The following VPS13B variants were observed in gnomAD, a reference collection of about 807,000 sequenced individuals.
The protein encoded by VPS13B is vacuolar protein sorting 13 homolog B, also known as intermembrane lipid transfer protein VPS13B.
In VPS13B, 285 loss-of-function variants were observed where a neutral mutation model predicts 426.4. The ratio of observed to expected loss-of-function variants is 0.67; its 90% CI spans 0.61 to 0.74. The LOEUF is 0.74. Ranked by LOEUF, VPS13B falls within the 30% of genes least tolerant of loss-of-function variation. The pLI, the probability that VPS13B is intolerant of heterozygous loss-of-function variation, is 0.00. For synonymous variants in VPS13B, 1,676 were observed against 1,676.4 expected, an observed-to-expected ratio of 1.00 and a Z score of 0.01; for missense variants, 4,537 against 4,782.6, an observed-to-expected ratio of 0.95 and a Z score of 1.51.
intron 8 of VPS13B, among the ~76,000 whole-genome samples, chr8:99,125,362 A>G (rs1472532381): frequency 2.0e-5 from 3 of 152,206 alleles, no homozygotes; most frequent in Non-Finnish European, 4.4e-5. Flanking sequence ...GTCCTTCCAC[A>G]TTCTTCTGCC....
At chr8:99,588,441 A>G (rs1181410710) in intron 33 of VPS13B, among the ~76,000 whole-genome samples, 1 of 151,592 alleles carries the variant, frequency 6.6e-6, no homozygotes, top group African/African-American at 2.4e-5. Flanking sequence ...TGATTCTTCT[A>G]TCCATGAGCA....
chr8:99,864,360 G>A (rs1306843247), intron 58 of VPS13B, among the ~76,000 whole-genome samples: 1 of 152,076 alleles, frequency 6.6e-6, no homozygotes, highest in East Asian at 1.9e-4. Context: ...ATCAGCTTGG[G>A]CAATGTGGCA....
intron 30 of VPS13B, among the ~76,000 whole-genome samples, chr8:99,542,230 A>C (rs544152891): frequency 6.6e-6 from 1 of 152,314 alleles, no homozygotes; most frequent in East Asian, 1.9e-4. Context: ...TATTATTGAC[A>C]TGGACATCAT....
chr8:99,344,253 A>C (rs528912676), intron 19 of VPS13B, among the ~76,000 whole-genome samples: 1 of 152,332 alleles, frequency 6.6e-6, no homozygotes, highest in East Asian at 1.9e-4. Context: ...GGCTGTGCAC[A>C]TGCACAAAAA....
At chr8:99,271,973 T>C (rs992680135) in intron 17 of VPS13B, among the ~76,000 whole-genome samples, 2 of 152,174 alleles carry the variant, frequency 1.3e-5, no homozygotes, top group African/African-American at 4.8e-5. Flanking sequence ...GATAACATTC[T>C]CTAACCATTT....
intron 31 of VPS13B, among the ~76,000 whole-genome samples, chr8:99,574,562 G>C (rs1400182173): frequency 2.0e-5 from 3 of 152,122 alleles, no homozygotes; most frequent in African/African-American, 7.2e-5. Context: ...AGATAATCAC[G>C]TGGTCTTTGT....
chr8:99,310,557 A>C (rs1820901116), intron 19 of VPS13B, among the ~76,000 whole-genome samples: 1 of 152,162 alleles, frequency 6.6e-6, no homozygotes, highest in African/African-American at 2.4e-5. Flanking sequence ...ATGGTGTATA[A>C]GCTTTTTGAT....
chr8:99,535,909 G>A (rs1823186708), intron 30 of VPS13B, among the ~76,000 whole-genome samples: 1 of 151,614 alleles, frequency 6.6e-6, no homozygotes, highest in Admixed American at 6.6e-5. Context: ...CTGAGCCAAT[G>A]TCAGATCATA....
intron 3 of VPS13B, among the ~76,000 whole-genome samples, chr8:99,039,751 G>T (rs1241981201): frequency 1.3e-5 from 2 of 152,028 alleles, no homozygotes; most frequent in Non-Finnish European, 2.9e-5. Flanking sequence ...TGGATGCTTT[G>T]AGTGCCATAT....
At chr8:99,422,027 TGTA>T (rs1816404007) in intron 21 of VPS13B, among the ~76,000 whole-genome samples, 1 of 152,124 alleles carries the variant, frequency 6.6e-6, no homozygotes, top group Non-Finnish European at 1.5e-5. Flanking sequence ...GTGCCTGGCT[TGTA>T]GTAGGTGCTA....
chr8:99,859,014 C>T (rs548493233), intron 56 of VPS13B, among the ~76,000 whole-genome samples: 13 of 152,268 alleles, frequency 8.5e-5, no homozygotes, highest in South Asian at 2.1e-4. Context: ...AGTGCATCCC[C>T]GCCACATGGA....
chr8:99,602,657 CT>C (rs1827367045), intron 33 of VPS13B, among the ~76,000 whole-genome samples: 1 of 152,172 alleles, frequency 6.6e-6, no homozygotes, highest in Non-Finnish European at 1.5e-5. Flanking sequence ...CCAAAATCTC[CT>C]TAAGCTGATA....
intron 36 of VPS13B, among the ~76,000 whole-genome samples, chr8:99,707,728 A>C (rs1462951191): frequency 6.6e-6 from 1 of 152,190 alleles, no homozygotes; most frequent in Non-Finnish European, 1.5e-5. Context: ...ACTAAGTGTC[A>C]AGGAACCTTG....
chr8:99,809,290 G>A (rs1813576702), intron 43 of VPS13B, 85 bp from the exon 44 acceptor site: 1 of 1,557,958 alleles, frequency 6.4e-7, no homozygotes, highest in Non-Finnish European at 8.8e-7. Flanking sequence ...AAATGGAAAG[G>A]TTTTCCAGCA....
intron 15 of VPS13B, among the ~76,000 whole-genome samples, chr8:99,157,890 TAGC>T (rs1368404652): frequency 6.6e-6 from 1 of 152,196 alleles, no homozygotes; most frequent in African/African-American, 2.4e-5. Flanking sequence ...GTGGTCCAGA[TAGC>T]AGATCAAACC....
At chr8:99,805,057 A>T (rs1434774929) in intron 43 of VPS13B, among the ~76,000 whole-genome samples, 3 of 148,506 alleles carry the variant, frequency 2.0e-5, no homozygotes, top group African/African-American at 7.5e-5. Flanking sequence ...ATATAAAAAT[A>T]TATTACCAGA....
intron 2 of VPS13B, among the ~76,000 whole-genome samples, chr8:99,028,912 C>G (rs1404271084): frequency 1.0e-4 from 11 of 106,510 alleles, no homozygotes; most frequent in African/African-American, 4.1e-4. Flanking sequence ...GGGGTGGCTG[C>G]CGGGCGGAGA....
intron 39 of VPS13B, among the ~76,000 whole-genome samples, chr8:99,741,301 C>A (rs1809711584): frequency 6.6e-6 from 1 of 152,164 alleles, no homozygotes. Flanking sequence ...GCACCCAATA[C>A]AGGAGCACCC....
At chr8:99,389,474 C>T (rs1814305922) in intron 20 of VPS13B, 1 of 152,196 alleles carries the variant, frequency 6.6e-6, no homozygotes, top group East Asian at 1.9e-4. Context: ...TACTGTTGAT[C>T]AGAGACCTTA....
Sources: allele counts gnomAD v4.1 joint callset (sites outside exome capture counted in the v4.1 genomes callset), GRCh38; gene constraint gnomAD v4.1.1; transcripts MANE v1.5; gene names NCBI Gene and HGNC (gene_info 2026-07-23, HGNC 2026-07-21).